Variants in LHX4 observed in about 807,000 individuals in gnomAD.
The protein encoded by LHX4 is LIM homeobox 4.
Under a neutral mutation model 39.2 loss-of-function variants are expected in LHX4, and 16 were observed. The ratio of observed to expected loss-of-function variants is 0.41; its 90% confidence interval spans 0.28 to 0.62. The LOEUF (loss-of-function observed/expected upper bound fraction) is 0.62, where lower values mean the gene tolerates loss of function less well. LHX4 is among the 20% of genes least tolerant of loss of function. The pLI, the probability that LHX4 is intolerant of heterozygous loss-of-function variation, is 0.33. For synonymous variants in LHX4, 206 were observed against 198.1 expected (o/e 1.04, Z -0.33); for missense variants, 439 against 511.9 (o/e 0.86, Z 1.37).
Position 180,230,594 on chromosome 1 carries a change from T to C in LHX4, c.65T>C (p.Val22Ala), listed in dbSNP as rs771435710. 3 of 1,613,460 alleles carry C rather than the reference T, an allele frequency of 1.9e-6. No individual in the cohort carries two copies. The highest frequency in any genetic ancestry group is 2.5e-6 in the Non-Finnish European group (3 of 1,179,730). Reference protein sequence around the residue: ...AVKGLPEMLGVPMQQIPQCAG... With the variant: ...AVKGLPEMLGAPMQQIPQCAG... ...AAGGGGCTCCCGGAGATGCTAGGTG[T>C]GCCGATGCAACGTAAGACACCCCCC... Residue 22 changes from valine (V) to alanine (A), a missense_variant, in exon 1 of 6, where the codon GTG becomes GCG. By Grantham distance (64) the Val-to-Ala change is moderately conservative. Coordinates refer to ENST00000263726, the MANE Select transcript of LHX4 (RefSeq NM_033343.4). This position sits in a 1 kb window ranked among gnomAD's most constrained non-coding sequence, Gnocchi z 5.8.
At chr1:180,229,965 G>A (rs1262997411), upstream of LHX4, among the ~76,000 whole-genome samples, 3 of 12,170 alleles carry the variant, frequency 2.5e-4, no homozygotes, top group Non-Finnish European at 5.2e-4. Flanking sequence ...GAGGCGGGGA[G>A]GGGGGGGGGG....
At chr1:180,255,924 C>A (rs964885415) in intron 2 of LHX4, among the ~76,000 whole-genome samples, 2 of 152,216 alleles carry the variant, frequency 1.3e-5, no homozygotes, top group African/African-American at 4.8e-5. Flanking sequence ...GAAACGGGGT[C>A]CCCAGTGGGA....
chr1:180,258,334 G>A (rs1263547210), intron 2 of LHX4, among the ~76,000 whole-genome samples: 1 of 152,242 alleles, frequency 6.6e-6, no homozygotes, highest in Non-Finnish European at 1.5e-5. Context: ...GGCCCCAGGA[G>A]GAGGCGGAGT....
rs975635155 is a variant in LHX4, at chr1:180,278,022, A to G, written c.*3443A>G. 6.6e-6 allele frequency: 1 copy of G among 152,226 alleles called. No homozygotes were observed. Among genetic ancestry groups the G allele is most frequent in the African/African-American group, 2.4e-5 (1 of 41,454 alleles). The allele number at this position is 152,226 out of a possible 1,614,324, so 9.4% of individuals were successfully genotyped here. ...CAGAAGCTCAAACTGGTGATTTCCAACTGCCTCTTTACAGGAGGGGGCTCA... is the reference window on the plus strand; with the variant it reads ...CAGAAGCTCAAACTGGTGATTTCCAGCTGCCTCTTTACAGGAGGGGGCTCA... On this transcript the variant is annotated 3_prime_UTR_variant, in exon 6 of 6. Transcript: ENST00000263726.
chr1:180,248,990 T>C (rs1647494539), intron 2 of LHX4, among the ~76,000 whole-genome samples: 7 of 152,224 alleles, frequency 4.6e-5, no homozygotes, highest in Admixed American at 4.6e-4. Context: ...GTCGTCACTT[T>C]ATATGGAAAC....
chr1:180,230,156 T>G, upstream of LHX4: 1 of 337,178 alleles, frequency 3.0e-6, no homozygotes, highest in Non-Finnish European at 5.7e-6. The surrounding 1 kb of genome is among the most constrained non-coding windows in gnomAD (Gnocchi z 5.8). Context: ...TCCTGCAGTG[T>G]GAATGAATCA....
rs1026281784 is a variant in LHX4, at chr1:180,248,635, C to T, written c.248+179C>T. 4.7e-5 allele frequency: 33 copies of T among 701,274 alleles called. No homozygotes were observed. The African/African-American group carries it at 5.1e-4, about 11-fold the overall frequency. The allele number at this position is 701,274 out of a possible 1,614,324, so 43.4% of individuals were successfully genotyped here. A position where few individuals can be genotyped will look rare whatever the true frequency, so the allele number is the denominator to read the frequency against. ...GAGGTCCCCCTTCTGATCACTGGCC[C>T]ATCACTGCCAGAGGTTCAGCCTCTA... On this transcript the variant is annotated intron_variant, in intron 2 of 5. Transcript: ENST00000263726.
upstream of LHX4, among the ~76,000 whole-genome samples, chr1:180,229,759 G>A (rs994507912): frequency 2.0e-5 from 3 of 151,232 alleles, no homozygotes; most frequent in Non-Finnish European, 4.4e-5. Flanking sequence ...TGCCCCGCTC[G>A]GCCCCGGCTC....
intron 2 of LHX4, among the ~76,000 whole-genome samples, chr1:180,249,907 G>A (rs1402078391): frequency 1.4e-5 from 2 of 147,180 alleles, no homozygotes; most frequent in Admixed American, 1.3e-4. Context: ...GAGTGTGTGT[G>A]TGACAGTGTG....
At chr1:180,249,712 T>G (rs1647524376) in intron 2 of LHX4, among the ~76,000 whole-genome samples, 1 of 152,262 alleles carries the variant, frequency 6.6e-6, no homozygotes, top group Non-Finnish European at 1.5e-5. Context: ...ATAAGTGATT[T>G]GAATATCTGA....
At position 180,274,928 on chromosome 1, in the gene LHX4, G is replaced by A; in HGVS notation, c.*349G>A. 4.6e-6 allele frequency: 1 copy of A among 215,168 alleles called. No homozygotes were observed. The highest frequency in any genetic ancestry group is 5.1e-5 in the Admixed American group (1 of 19,500). The allele number at this position is 215,168 out of a possible 1,614,324, so 13.3% of individuals were successfully genotyped here. ...CTGTGATAGGCCCCCTTGGCCTTTGGGAACTTTGCTCCAACTGGTGTGTCT... is the reference window on the plus strand; with the variant it reads ...CTGTGATAGGCCCCCTTGGCCTTTGAGAACTTTGCTCCAACTGGTGTGTCT... On this transcript the variant is annotated 3_prime_UTR_variant, in exon 6 of 6. Coordinates refer to ENST00000263726, the MANE Select transcript of LHX4 (RefSeq NM_033343.4).
intron 1 of LHX4, among the ~76,000 whole-genome samples, chr1:180,233,905 T>C (rs1279643082): frequency 2.6e-5 from 4 of 151,588 alleles, no homozygotes; most frequent in Admixed American, 2.6e-4. Flanking sequence ...TTGTGTTTGG[T>C]AGGGTCGGGG....
At chr1:180,248,149 T>C (rs1217747525) in intron 1 of LHX4, 136 bp from the exon 2 acceptor site, 1 of 798,034 alleles carries the variant, frequency 1.3e-6, no homozygotes, top group Non-Finnish European at 2.2e-6. Context: ...CCTGTACAAC[T>C]ATATGCAACA....
At chr1:180,236,687 A>G (rs1416758616) in intron 1 of LHX4, among the ~76,000 whole-genome samples, 1 of 152,096 alleles carries the variant, frequency 6.6e-6, no homozygotes, top group Admixed American at 6.5e-5. Flanking sequence ...GGGGGCGGGT[A>G]GGTGGAATCG....
chr1:180,251,447 C>T (rs552341527), intron 2 of LHX4, among the ~76,000 whole-genome samples: 9 of 152,352 alleles, frequency 5.9e-5, no homozygotes, highest in Non-Finnish European at 8.8e-5. Context: ...TCCCCTCTCC[C>T]GGGTGACCCA....
Position 180,232,791 on chromosome 1 carries a change from C to T in LHX4, c.76+2186C>T, listed in dbSNP as rs989439011. Among the ~76,000 whole-genome samples, 1 of 152,218 alleles carries T rather than the reference C, an allele frequency of 6.6e-6. No homozygotes were observed. The highest frequency in any genetic ancestry group is 1.5e-5 in the Non-Finnish European group (1 of 68,036). ...GTCCCCATCACCCACATATACACAA[C>T]TATTAGTTTTCTTGGGACTGGGCCC... On this transcript the variant is annotated intron_variant, in intron 1 of 5. Transcript: ENST00000263726. This position sits in a 1 kb window ranked among gnomAD's most constrained non-coding sequence, Gnocchi z 5.4.
Position 180,274,739 on chromosome 1 carries a change from C to G in LHX4, c.*160C>G. On this transcript the variant is annotated 3_prime_UTR_variant, in exon 6 of 6. Coordinates refer to ENST00000263726, the MANE Select transcript of LHX4 (RefSeq NM_033343.4). ...ATTCCTAGAAGGCTGTGAGACCACA[C>G]TAGGGCATTGTTTCCCTGGGGAAGC... The G allele has an allele frequency of 1.2e-6, 1 of 809,866 alleles. No homozygotes were observed. Among genetic ancestry groups the G allele is most frequent in the Non-Finnish European group, 1.9e-6 (1 of 527,242 alleles). The allele number at this position is 809,866 out of a possible 1,614,324, so 50.2% of individuals were successfully genotyped here.
chr1:180,238,838 T>TG (rs923155171), intron 1 of LHX4, among the ~76,000 whole-genome samples: 5 of 152,098 alleles, frequency 3.3e-5, no homozygotes, highest in African/African-American at 1.2e-4. Flanking sequence ...GAGCCAGGGT[T>TG]GGGGGGCGGC....
At chr1:180,268,095 G>T (rs1648404276) in intron 3 of LHX4, among the ~76,000 whole-genome samples, 1 of 152,162 alleles carries the variant, frequency 6.6e-6, no homozygotes, top group Non-Finnish European at 1.5e-5. Flanking sequence ...AATCTGCTCT[G>T]GTTTCTTAAA....
Sources: allele counts gnomAD v4.1 joint callset (sites outside exome capture counted in the v4.1 genomes callset), GRCh38; gene constraint gnomAD v4.1.1; non-coding constraint Gnocchi (gnomAD v3.1); transcripts MANE v1.5; gene names NCBI Gene and HGNC (gene_info 2026-07-23, HGNC 2026-07-21).